Variants in SLC39A8 observed in about 807,000 individuals in gnomAD.
The protein encoded by SLC39A8 is metal cation symporter ZIP8.
Under a neutral mutation model 40.4 loss-of-function variants are expected in SLC39A8, and 15 were observed. The ratio of observed to expected loss-of-function variants is 0.37; its 90% confidence interval spans 0.25 to 0.57. The LOEUF (loss-of-function observed/expected upper bound fraction) is 0.57, where lower values mean the gene tolerates loss of function less well. Ranked by LOEUF, SLC39A8 falls within the 20% of genes least tolerant of loss-of-function variation. The pLI, the probability that SLC39A8 is intolerant of heterozygous loss-of-function variation, is 0.75. For synonymous variants in SLC39A8, 223 were observed against 221.6 expected (o/e 1.01, Z -0.06); for missense variants, 472 against 558.8 (o/e 0.84, Z 1.57).
At chr4:102,253,503 C>A in intron 11 of SLC39A8, 1 of 659,232 alleles carries the variant, frequency 1.5e-6, no homozygotes, top group Non-Finnish European at 2.8e-6. Flanking sequence ...ATCTTTCAGT[C>A]CTCTAAGTTG....
At chr4:102,276,368 A>G (rs1408258293) in intron 6 of SLC39A8, among the ~76,000 whole-genome samples, 1 of 152,340 alleles carries the variant, frequency 6.6e-6, no homozygotes, top group East Asian at 1.9e-4. Context: ...CTTCTACGCA[A>G]ATAAACTAGA....
chr4:102,271,160 A>G (rs1314424345), intron 6 of SLC39A8, among the ~76,000 whole-genome samples: 2 of 152,110 alleles, frequency 1.3e-5, no homozygotes, highest in Non-Finnish European at 2.9e-5. Context: ...AGGGAGAACA[A>G]GGAGAAGGAA....
rs777842921 is a variant in SLC39A8, at chr4:102,296,003, G to A, written c.840+8314C>T. On this transcript the variant is annotated intron_variant, in intron 6 of 8. Transcript: ENST00000356736. The stretch of plus-strand genomic sequence containing the variant: ...TCGGTGGTGCAAAGCCTGATAAATC[G>A]TCATTTGAATAGCAAATTATATTGG... Among the ~76,000 whole-genome samples, 16 of 152,026 alleles carry A rather than the reference G, an allele frequency of 1.1e-4. 1 individual carries two copies. Among genetic ancestry groups the A allele is most frequent in the South Asian group, 1.0e-3 (5 of 4,832 alleles).
Position 102,262,857 on chromosome 4 carries a change from C to A in SLC39A8, c.*187G>T. 6 of 1,363,166 alleles carry A rather than the reference C, an allele frequency of 4.4e-6. No individual in the cohort carries two copies. Among genetic ancestry groups the A allele is most frequent in the Non-Finnish European group, 5.7e-6 (6 of 1,060,736 alleles). 84.4% of individuals were successfully genotyped at this position (1,363,166 alleles called of 1,614,324 possible). On this transcript the variant is annotated 3_prime_UTR_variant, in exon 9 of 9. Coordinates refer to ENST00000356736, the MANE Select transcript of SLC39A8 (RefSeq NM_001135146.2). The stretch of plus-strand genomic sequence containing the variant: ...GGCATCTCAGACTGACACTGAAAAC[C>A]TTTTGAAGCATTTTTAACAACAAAT...
At chr4:102,324,662 T>C (rs1387588410) in intron 2 of SLC39A8, among the ~76,000 whole-genome samples, 2 of 152,220 alleles carry the variant, frequency 1.3e-5, no homozygotes, top group Non-Finnish European at 2.9e-5. Context: ...ATAGCAATAT[T>C]AGTAATCATC....
chr4:102,264,599 T>C (rs965073657), intron 8 of SLC39A8, among the ~76,000 whole-genome samples: 5 of 111,254 alleles, frequency 4.5e-5, no homozygotes, highest in African/African-American at 1.6e-4. Flanking sequence ...CTTTGAAGAT[T>C]TGAAACCAGG....
intron 6 of SLC39A8, among the ~76,000 whole-genome samples, chr4:102,275,041 A>G (rs1459229937): frequency 1.3e-5 from 2 of 152,228 alleles, no homozygotes; most frequent in Non-Finnish European, 2.9e-5. Context: ...AAACTGCATC[A>G]ACTAATGGGC....
chr4:102,343,610 T>C (rs962580280), intron 2 of SLC39A8, among the ~76,000 whole-genome samples: 19 of 152,214 alleles, frequency 1.2e-4, no homozygotes, highest in Non-Finnish European at 2.5e-4. Flanking sequence ...AAACTACACT[T>C]TGTCTACTTA....
intron 6 of SLC39A8, chr4:102,269,713 G>T (rs192946644): frequency 3.3e-5 from 5 of 152,282 alleles, no homozygotes; most frequent in Admixed American, 1.3e-4. Flanking sequence ...CACATATCGG[G>T]GATGGGAATT....
intron 2 of SLC39A8, among the ~76,000 whole-genome samples, chr4:102,321,287 A>C (rs1734955209): frequency 6.6e-6 from 1 of 152,242 alleles, no homozygotes; most frequent in East Asian, 1.9e-4. Context: ...CTGGGAGAGT[A>C]GAAAGAGGAT....
At chr4:102,341,245 A>G (rs1052503731) in intron 2 of SLC39A8, among the ~76,000 whole-genome samples, 3 of 152,252 alleles carry the variant, frequency 2.0e-5, no homozygotes, top group African/African-American at 4.8e-5. Context: ...ATATCAGAAG[A>G]AGAAATTCTG....
intron 6 of SLC39A8, among the ~76,000 whole-genome samples, chr4:102,291,882 ATCC>A (rs1733462182): frequency 6.6e-6 from 1 of 151,886 alleles, no homozygotes; most frequent in Admixed American, 6.6e-5. Flanking sequence ...AAAGAAGGAA[ATCC>A]TGTCATTTCC....
intron 2 of SLC39A8, among the ~76,000 whole-genome samples, chr4:102,334,060 A>G (rs1735573709): frequency 6.6e-6 from 1 of 152,180 alleles, no homozygotes; most frequent in Admixed American, 6.5e-5. Flanking sequence ...CTTGGTATAA[A>G]TTTCAGGGAA....
intron 11 of SLC39A8, among the ~76,000 whole-genome samples, chr4:102,255,049 C>G (rs970556801): frequency 6.6e-6 from 1 of 152,094 alleles, no homozygotes; most frequent in South Asian, 2.1e-4. Flanking sequence ...TAGAAATTAT[C>G]CATGAGTTTT....
rs183369406 is a variant in SLC39A8 at position 102,302,415 on chromosome 4, A to G, written c.840+1902T>C. 4.2e-3 allele frequency among the ~76,000 whole-genome samples: 644 copies of G among 152,164 alleles called. 8 individuals are homozygous for G. The highest frequency in any genetic ancestry group is 0.017 in the Middle Eastern group (5 of 294). The stretch of plus-strand genomic sequence containing the variant: ...CAAAAGCTTGTGTAAGGCAACTAGA[A>G]TTTAGACACATGGTATAAGGAAGGG... On this transcript the variant is annotated intron_variant, in intron 6 of 8. Transcript: ENST00000356736.
intron 5 of SLC39A8, among the ~76,000 whole-genome samples, 177 bp downstream of exon 5, chr4:102,304,812 G>T (rs1162110670): frequency 1.3e-5 from 2 of 151,026 alleles, no homozygotes; most frequent in Non-Finnish European, 3.0e-5. Context: ...TTTACAACAT[G>T]AATCAAGTAT....
chr4:102,293,203 A>G (rs747062221), intron 6 of SLC39A8, among the ~76,000 whole-genome samples: 1 of 152,016 alleles, frequency 6.6e-6, no homozygotes, highest in Non-Finnish European at 1.5e-5. Flanking sequence ...ATATAGAAAA[A>G]GAAAAAAGTT....
Position 102,304,987 on chromosome 4 carries a change from A to G in SLC39A8, c.675+2T>C. 1.9e-6 allele frequency: 3 copies of G among 1,598,938 alleles called. No individual in the cohort carries two copies. Among genetic ancestry groups the G allele is most frequent in the Non-Finnish European group, 2.6e-6 (3 of 1,170,286 alleles). On this transcript the variant is annotated splice_donor_variant, in intron 5 of 8. Transcript: ENST00000356736. LOFTEE classifies it high-confidence loss of function. ...TGGATGTTTTAAATAAAGTCCATTT[A>G]CCTGACCATATGTCTTTAATAACAT...
At chr4:102,325,782 ATC>A (rs1021089789) in intron 2 of SLC39A8, among the ~76,000 whole-genome samples, 1 of 152,160 alleles carries the variant, frequency 6.6e-6, no homozygotes, top group Non-Finnish European at 1.5e-5. Context: ...TTTGTTTAAA[ATC>A]TCTTTTTCCA....
Sources: allele counts gnomAD v4.1 joint callset (sites outside exome capture counted in the v4.1 genomes callset), GRCh38; gene constraint gnomAD v4.1.1; transcripts MANE v1.5; gene names NCBI Gene and HGNC (gene_info 2026-07-23, HGNC 2026-07-21).